RGS6: variants seen among roughly 807,000 people sequenced by gnomAD.
The protein encoded by RGS6 is regulator of G protein signaling 6, also known as regulator of G-protein signaling 6.
Under a neutral mutation model 78.5 loss-of-function variants are expected in RGS6, and 30 were observed. The observed-to-expected ratio is 0.38, with a 90% CI of 0.29 to 0.52. The LOEUF (loss-of-function observed/expected upper bound fraction) is 0.52. RGS6 is among the 20% of genes least tolerant of loss of function. RGS6 has a pLI of 0.85. For synonymous variants in RGS6, 206 were observed against 206.0 expected, an observed-to-expected ratio of 1.00 and a Z score of 0.00; for missense variants, 495 against 609.7, an observed-to-expected ratio of 0.81 and a Z score of 1.98.
the RGS6 span, among the ~76,000 whole-genome samples, chr14:71,877,077 ACCCAACC>A: frequency 2.0e-5 from 3 of 152,172 alleles, no homozygotes; most frequent in African/African-American, 7.2e-5. Context: ...TTTGTGGGTA[ACCCAACC>A]TTTGTCTCTG....
chr14:72,341,904 CT>C (rs367783159), intron 2 of RGS6, among the ~76,000 whole-genome samples: 1 of 128,958 alleles, frequency 7.8e-6, no homozygotes, highest in Non-Finnish European at 1.7e-5. Flanking sequence ...AGGACAAGGC[CT>C]TATGTTCCCT....
chr14:72,359,958 T>G (rs2081137165), intron 3 of RGS6, among the ~76,000 whole-genome samples: 1 of 152,162 alleles, frequency 6.6e-6, no homozygotes, highest in African/African-American at 2.4e-5. Flanking sequence ...GCTAAGACAG[T>G]TAATCTTGGA....
chr14:72,599,617 G>A, the RGS6 span, among the ~76,000 whole-genome samples: 1 of 145,052 alleles, frequency 6.9e-6, no homozygotes, highest in African/African-American at 2.5e-5. Context: ...GTAGAGACGG[G>A]GTTTTACCAT....
At chr14:72,345,267 A>G (rs2077798469) in intron 2 of RGS6, among the ~76,000 whole-genome samples, 1 of 152,246 alleles carries the variant, frequency 6.6e-6, no homozygotes, top group African/African-American at 2.4e-5. Flanking sequence ...GAGCCTCTGC[A>G]GCAATGTCAG....
At chr14:72,304,796 C>T (rs1013128094) in intron 2 of RGS6, among the ~76,000 whole-genome samples, 3 of 152,076 alleles carry the variant, frequency 2.0e-5, no homozygotes, top group African/African-American at 7.2e-5. Flanking sequence ...AGGAGAACTG[C>T]TTGAACCCAG....
intron 2 of RGS6, among the ~76,000 whole-genome samples, chr14:71,983,573 T>C (rs1191772391): frequency 6.6e-6 from 1 of 152,212 alleles, no homozygotes; most frequent in Non-Finnish European, 1.5e-5. Flanking sequence ...TTCCAGGCTT[T>C]CTGTGGCTGC....
chr14:72,278,790 C>T (rs781197694), intron 2 of RGS6, among the ~76,000 whole-genome samples: 36 of 152,072 alleles, frequency 2.4e-4, no homozygotes, highest in Non-Finnish European at 4.1e-4. Context: ...CTGCATAATA[C>T]GGTACCATAG....
chr14:72,023,259 T>C (rs2089116121), intron 2 of RGS6, among the ~76,000 whole-genome samples: 1 of 152,252 alleles, frequency 6.6e-6, no homozygotes, highest in Non-Finnish European at 1.5e-5. Flanking sequence ...ATATATTTGG[T>C]GGAGCTCCTT....
At chr14:72,288,346 G>T (rs1374431534) in intron 2 of RGS6, among the ~76,000 whole-genome samples, 3 of 152,158 alleles carry the variant, frequency 2.0e-5, no homozygotes, top group Non-Finnish European at 4.4e-5. Context: ...CCATAATACT[G>T]AAATTTACTC....
At chr14:72,156,583 T>C (rs1452775889) in intron 2 of RGS6, among the ~76,000 whole-genome samples, 2 of 152,178 alleles carry the variant, frequency 1.3e-5, no homozygotes, top group Non-Finnish European at 2.9e-5. Context: ...GGGAAATGTT[T>C]ACTGATCAGG....
At chr14:72,495,780 A>C (rs984606662) in intron 13 of RGS6, among the ~76,000 whole-genome samples, 4 of 152,336 alleles carry the variant, frequency 2.6e-5, no homozygotes, top group South Asian at 2.1e-4. Flanking sequence ...AGAGGGCTCC[A>C]GAACCATGAT....
chr14:72,548,691 G>T (rs1298121287), intron 17 of RGS6, among the ~76,000 whole-genome samples: 1 of 152,186 alleles, frequency 6.6e-6, no homozygotes, highest in East Asian at 1.9e-4. Context: ...CGTCGGAAGA[G>T]GCTGGAGTAA....
intron 2 of RGS6, among the ~76,000 whole-genome samples, chr14:71,998,305 G>A (rs1595869471): frequency 6.6e-6 from 1 of 152,148 alleles, no homozygotes; most frequent in Non-Finnish European, 1.5e-5. Flanking sequence ...TAGAATGGGA[G>A]GCAGGCTTGC....
the RGS6 span, among the ~76,000 whole-genome samples, chr14:72,578,401 C>T: frequency 6.6e-6 from 1 of 152,176 alleles, no homozygotes; most frequent in African/African-American, 2.4e-5. Context: ...AATCTGTGTT[C>T]ACTCTATCCC....
the RGS6 span, among the ~76,000 whole-genome samples, chr14:72,586,782 T>C: frequency 1.3e-5 from 2 of 152,216 alleles, no homozygotes; most frequent in Non-Finnish European, 2.9e-5. Flanking sequence ...AGCAAGATTC[T>C]TGAGAACAGA....
intron 2 of RGS6, among the ~76,000 whole-genome samples, chr14:71,967,624 TTTTTG>T (rs2093601174): frequency 6.6e-6 from 1 of 152,304 alleles, no homozygotes; most frequent in East Asian, 1.9e-4. Flanking sequence ...TGTGCTTTCA[TTTTTG>T]TTTTCTTTCT....
chr14:71,949,391 G>A (rs186758612), intron 1 of RGS6, among the ~76,000 whole-genome samples: 161 of 151,912 alleles, frequency 1.1e-3, no homozygotes, highest in African/African-American at 3.7e-3. Flanking sequence ...TCTTATTATG[G>A]CTTCAATTTG....
intron 2 of RGS6, among the ~76,000 whole-genome samples, chr14:72,005,484 C>T (rs559203308): frequency 2.9e-5 from 1 of 34,700 alleles, no homozygotes; most frequent in African/African-American, 1.1e-4. Flanking sequence ...CCTATTCATT[C>T]AGCAACCTAA....
intron 2 of RGS6, among the ~76,000 whole-genome samples, chr14:72,030,398 A>T (rs1464424426): frequency 6.6e-6 from 1 of 151,724 alleles, no homozygotes; most frequent in Non-Finnish European, 1.5e-5. Flanking sequence ...AAAAAATAAA[A>T]GGATAGAAAA....
Sources: allele counts gnomAD v4.1 joint callset (sites outside exome capture counted in the v4.1 genomes callset), GRCh38; gene constraint gnomAD v4.1.1; transcripts MANE v1.5; gene names NCBI Gene and HGNC (gene_info 2026-07-23, HGNC 2026-07-21).